The following AMBRA1 variants were observed in gnomAD, a reference collection of about 807,000 sequenced individuals.
AMBRA1 encodes the protein activating molecule in BECN1-regulated autophagy protein 1.
Under a neutral mutation model 125.4 loss-of-function variants are expected in AMBRA1, and 47 were observed. The observed-to-expected ratio is 0.37, with a 90% confidence interval of 0.30 to 0.48. AMBRA1 has a LOEUF of 0.48. Ranked by LOEUF, AMBRA1 falls within the 20% of genes least tolerant of loss-of-function variation. The probability of loss-of-function intolerance (pLI) is 0.99; values close to 1 mark genes in which losing one functional copy is unlikely to be tolerated. For synonymous variants in AMBRA1, 626 were observed against 655.5 expected (o/e 0.95, Z 0.69); for missense variants, 1,331 against 1,693.4 (o/e 0.79, Z 3.76).
chr11:46,522,103 T>C (rs1446070896), intron 7 of AMBRA1, among the ~76,000 whole-genome samples: 3 of 152,178 alleles, frequency 2.0e-5, no homozygotes, highest in African/African-American at 7.2e-5. Flanking sequence ...AAACAGAATG[T>C]ATACATAGTG....
At chr11:46,509,916 C>T (rs1165077983) in intron 8 of AMBRA1, among the ~76,000 whole-genome samples, 1 of 151,912 alleles carries the variant, frequency 6.6e-6, no homozygotes, top group Non-Finnish European at 1.5e-5. Context: ...TAGTTATATC[C>T]AAATGGTACA....
intron 1 of AMBRA1, among the ~76,000 whole-genome samples, chr11:46,581,797 CAAAAAAAAA>C (rs1162857231): frequency 1.3e-4 from 9 of 69,956 alleles, no homozygotes; most frequent in African/African-American, 2.4e-4. Flanking sequence ...AAAACTCCAT[CAAAAAAAAA>C]AAAAAAAAAA....
intron 11 of AMBRA1, among the ~76,000 whole-genome samples, chr11:46,464,035 G>GT (rs1273596741): frequency 2.6e-5 from 4 of 152,208 alleles, no homozygotes. Context: ...GTCAGAGACA[G>GT]TTTTTGTTTC....
At chr11:46,585,387 G>A (rs1399736298) in intron 1 of AMBRA1, among the ~76,000 whole-genome samples, 1 of 148,526 alleles carries the variant, frequency 6.7e-6, no homozygotes, top group Non-Finnish European at 1.5e-5. Flanking sequence ...AAAAAAAAAC[G>A]CTGGGCATGG....
chr11:46,437,313 T>TCC (rs1246625795), intron 12 of AMBRA1, among the ~76,000 whole-genome samples: 1 of 152,198 alleles, frequency 6.6e-6, no homozygotes, highest in Non-Finnish European at 1.5e-5. Flanking sequence ...AATAGCTATC[T>TCC]CCCAAATTCT....
At chr11:46,435,268 A>G (rs1357132805) in intron 12 of AMBRA1, among the ~76,000 whole-genome samples, 1 of 152,206 alleles carries the variant, frequency 6.6e-6, no homozygotes, top group East Asian at 1.9e-4. Context: ...CAACACCACC[A>G]CAACCACCTG....
chr11:46,577,502 T>C (rs764956335), intron 1 of AMBRA1, among the ~76,000 whole-genome samples: 3 of 152,140 alleles, frequency 2.0e-5, no homozygotes, highest in African/African-American at 7.2e-5. Flanking sequence ...TAAGGGGTTT[T>C]ACTTTGCAGA....
intron 9 of AMBRA1, among the ~76,000 whole-genome samples, chr11:46,496,862 G>A (rs571361838): frequency 2.0e-5 from 3 of 149,610 alleles, no homozygotes; most frequent in Admixed American, 6.7e-5. Context: ...CTGTAATCCC[G>A]GCACTTTGGG....
intron 17 of AMBRA1, among the ~76,000 whole-genome samples, chr11:46,406,334 G>T (rs1005610286): frequency 6.9e-6 from 1 of 145,174 alleles, no homozygotes; most frequent in South Asian, 2.2e-4. Flanking sequence ...AATTACAGGC[G>T]TGAGCCACCA....
At chr11:46,491,417 C>T (rs963161258) in intron 11 of AMBRA1, 3 of 152,020 alleles carry the variant, frequency 2.0e-5, no homozygotes, top group African/African-American at 4.8e-5. Context: ...AAGACAGAAA[C>T]GAAATATGTG....
chr11:46,503,087 A>AT, intron 9 of AMBRA1, among the ~76,000 whole-genome samples: 1 of 150,718 alleles, frequency 6.6e-6, no homozygotes, highest in Middle Eastern at 3.4e-3. Context: ...AAAAAAAAAA[A>AT]ATGAATTTTT....
chr11:46,447,850 T>G (rs545517443), intron 11 of AMBRA1, among the ~76,000 whole-genome samples: 1 of 152,304 alleles, frequency 6.6e-6, no homozygotes, highest in South Asian at 2.1e-4. Context: ...ACTCTCTGTG[T>G]GTATTGCATC....
rs764485151 is a variant in AMBRA1, at chr11:46,508,372, TGA to T, written c.2160-4_2160-3del. The stretch of plus-strand genomic sequence containing the variant: ...GCGTAGTATGCAGCAGGAGATAATC[TGA>T]GAGAGACAGAGATGGACAAACACAA... On this transcript the variant is annotated splice_polypyrimidine_tract_variant and splice_region_variant and intron_variant, in intron 8 of 17. Coordinates refer to ENST00000683756, the MANE Select transcript of AMBRA1 (RefSeq NM_001387011.1). 3 of 1,613,306 alleles carry T rather than the reference TGA, an allele frequency of 1.9e-6. No homozygotes were observed. In the South Asian group the frequency reaches 3.3e-5, roughly 18 times the overall value.
At chr11:46,425,310 T>TTGTG (rs34321655) in intron 14 of AMBRA1, among the ~76,000 whole-genome samples, 5,145 of 135,506 alleles carry the variant, frequency 0.038, 106 homozygotes, top group East Asian at 0.057. Flanking sequence ...CTTGATCCAT[T>TTGTG]TGTGTGTGTG....
intron 1 of AMBRA1, among the ~76,000 whole-genome samples, chr11:46,588,722 C>G (rs2044488629): frequency 6.6e-6 from 1 of 151,110 alleles, no homozygotes. Flanking sequence ...ATGCAGTGAG[C>G]CGAGATCGCG....
chr11:46,461,824 T>A (rs1424388663), intron 11 of AMBRA1, among the ~76,000 whole-genome samples: 5 of 152,144 alleles, frequency 3.3e-5, no homozygotes, highest in African/African-American at 9.7e-5. Flanking sequence ...ATTCCTGAGT[T>A]CAAACTAGGA....
Position 46,408,681 on chromosome 11 carries a change from CT to C in AMBRA1, c.3234del (p.Asp1079ThrfsTer6), listed in dbSNP as rs1489561371. On this transcript the variant is annotated frameshift_variant, in exon 17 of 18. Coordinates refer to ENST00000683756, the MANE Select transcript of AMBRA1 (RefSeq NM_001387011.1). LOFTEE classifies it high-confidence loss of function. ...GCATTCATCAGCCCCATGTCTCTGTCTGTCCTCCATGTGGCTCTGCTGGTTC... is the reference window on the plus strand; with the variant it reads ...GCATTCATCAGCCCCATGTCTCTGTCGTCCTCCATGTGGCTCTGCTGGTTC... Reference protein sequence around the residue: ...RPGTSRATWRTDRDMGLMNAI... With the variant: ...RPGTSRATWRXDRDMGLMNAI... The C allele has an allele frequency of 6.4e-7, 1 of 1,571,172 alleles. No homozygotes were observed. The highest frequency in any genetic ancestry group is 8.7e-7 in the Non-Finnish European group (1 of 1,155,306).
chr11:46,476,196 T>C (rs930416090), intron 11 of AMBRA1, among the ~76,000 whole-genome samples: 1 of 152,204 alleles, frequency 6.6e-6, no homozygotes, highest in African/African-American at 2.4e-5. Flanking sequence ...CAGTCAGTGT[T>C]TCCTTCAGCA....
intron 11 of AMBRA1, among the ~76,000 whole-genome samples, chr11:46,487,774 AC>A (rs980155358): frequency 6.6e-6 from 1 of 152,170 alleles, no homozygotes; most frequent in Non-Finnish European, 1.5e-5. Flanking sequence ...CATCAGAAAT[AC>A]AAAAAACAAA....
Sources: allele counts gnomAD v4.1 joint callset (sites outside exome capture counted in the v4.1 genomes callset), GRCh38; gene constraint gnomAD v4.1.1; transcripts MANE v1.5; gene names NCBI Gene and HGNC (gene_info 2026-07-23, HGNC 2026-07-21).